Variants in ADAMTS17 observed in about 807,000 individuals in gnomAD.
ADAMTS17 encodes A disintegrin and metalloproteinase with thrombospondin motifs 17.
ADAMTS17 carries 113 observed loss-of-function variants against 141.5 expected under a neutral mutation model. The ratio of observed to expected loss-of-function variants is 0.80; its 90% CI spans 0.69 to 0.93. The LOEUF (loss-of-function observed/expected upper bound fraction) is 0.93, where lower values mean the gene tolerates loss of function less well. Among genes scored for constraint, ADAMTS17 ranks in the 40% least tolerant of loss-of-function variants. The pLI, the probability that ADAMTS17 is intolerant of heterozygous loss-of-function variation, is 0.00. For synonymous variants in ADAMTS17, 768 were observed against 630.6 expected, an observed-to-expected ratio of 1.22 and a Z score of -3.27; for missense variants, 1,659 against 1,517.9, an observed-to-expected ratio of 1.09 and a Z score of -1.54.
At chr15:100,177,762 T>C (rs1292071142) in intron 8 of ADAMTS17, among the ~76,000 whole-genome samples, 1 of 152,194 alleles carries the variant, frequency 6.6e-6, no homozygotes, top group Non-Finnish European at 1.5e-5. Flanking sequence ...AAATTGTGGA[T>C]TCATCTAGCT....
intron 10 of ADAMTS17, among the ~76,000 whole-genome samples, chr15:100,150,506 G>C (rs2039110017): frequency 6.6e-6 from 1 of 152,130 alleles, no homozygotes; most frequent in Admixed American, 6.5e-5. Flanking sequence ...GTTGCAGTCA[G>C]GGTTGTGTGT....
At chr15:100,181,170 T>C (rs2040511924) in intron 8 of ADAMTS17, among the ~76,000 whole-genome samples, 1 of 152,076 alleles carries the variant, frequency 6.6e-6, no homozygotes, top group Admixed American at 6.5e-5. Flanking sequence ...CTTCAGTTTG[T>C]GGTGAATGCT....
At chr15:100,107,846 A>G (rs996263323) in intron 14 of ADAMTS17, among the ~76,000 whole-genome samples, 2 of 152,142 alleles carry the variant, frequency 1.3e-5, no homozygotes, top group South Asian at 4.1e-4. Flanking sequence ...TGCCTGGTCT[A>G]TGGTGTATCG....
At chr15:100,315,299 C>T (rs2045529293) in intron 3 of ADAMTS17, among the ~76,000 whole-genome samples, 1 of 152,156 alleles carries the variant, frequency 6.6e-6, no homozygotes, top group East Asian at 1.9e-4. Context: ...CTCGGTTCAC[C>T]CCTCTTTTCT....
chr15:100,179,235 C>T (rs531709251), intron 8 of ADAMTS17, among the ~76,000 whole-genome samples: 11 of 152,284 alleles, frequency 7.2e-5, no homozygotes, highest in African/African-American at 2.4e-4. Context: ...TCCTATTACC[C>T]GTCTTAGCCT....
intron 7 of ADAMTS17, among the ~76,000 whole-genome samples, chr15:100,204,780 C>G (rs896953759): frequency 6.6e-6 from 1 of 152,160 alleles, no homozygotes; most frequent in Non-Finnish European, 1.5e-5. Flanking sequence ...AAATCCTAAC[C>G]TCTTACAACA....
chr15:100,306,619 C>G (rs748123366), intron 3 of ADAMTS17: 4 of 454,788 alleles, frequency 8.8e-6, no homozygotes, highest in Non-Finnish European at 1.8e-5. Context: ...AAATCCCTGA[C>G]CCACAGAATC....
intron 15 of ADAMTS17, among the ~76,000 whole-genome samples, chr15:100,076,743 C>T (rs1053071313): frequency 6.6e-6 from 1 of 152,146 alleles, no homozygotes; most frequent in South Asian, 2.1e-4. Context: ...TACAAATACA[C>T]TTGAGTATAC....
At chr15:100,139,704 G>A (rs891196090) in intron 10 of ADAMTS17, among the ~76,000 whole-genome samples, 4 of 152,124 alleles carry the variant, frequency 2.6e-5, no homozygotes, top group East Asian at 1.9e-4. Context: ...CCAATAACGC[G>A]GAACCTCAAT....
intron 18 of ADAMTS17, among the ~76,000 whole-genome samples, chr15:100,008,510 G>A (rs7163054): frequency 6.6e-6 from 1 of 152,108 alleles, no homozygotes; most frequent in African/African-American, 2.4e-5. Flanking sequence ...AAGGAGGCCA[G>A]GGCCCGGGGG....
chr15:100,294,352 G>T (rs533129733), intron 3 of ADAMTS17, among the ~76,000 whole-genome samples: 1 of 152,040 alleles, frequency 6.6e-6, no homozygotes, highest in African/African-American at 2.4e-5. Context: ...CTTGCCTTCC[G>T]TATTTCCTAC....
chr15:100,028,071 G>A (rs958844008), intron 18 of ADAMTS17, among the ~76,000 whole-genome samples: 3 of 152,194 alleles, frequency 2.0e-5, no homozygotes, highest in African/African-American at 7.2e-5. Flanking sequence ...AGGAACTGTA[G>A]TGCCTGGGTG....
chr15:100,168,947 C>T (rs2040054987), intron 8 of ADAMTS17, among the ~76,000 whole-genome samples: 1 of 152,250 alleles, frequency 6.6e-6, no homozygotes, highest in Admixed American at 6.5e-5. Context: ...TGCCTTAGCA[C>T]ATTCCCCGGA....
chr15:100,286,515 A>C (rs137985850), intron 3 of ADAMTS17, among the ~76,000 whole-genome samples: 620 of 152,180 alleles, frequency 4.1e-3, no homozygotes, highest in African/African-American at 0.014. Flanking sequence ...AAGCTGGGAA[A>C]CTCATACCGG....
At chr15:100,319,229 G>A (rs938027412) in intron 3 of ADAMTS17, among the ~76,000 whole-genome samples, 4 of 152,258 alleles carry the variant, frequency 2.6e-5, no homozygotes, top group African/African-American at 9.6e-5. Flanking sequence ...ACAGTGTCCT[G>A]TAAATGGGAC....
chr15:100,075,084 A>G (rs1461506815), intron 15 of ADAMTS17, among the ~76,000 whole-genome samples: 1 of 152,090 alleles, frequency 6.6e-6, no homozygotes, highest in African/African-American at 2.4e-5. Context: ...TTATACTTCT[A>G]TTGTGTAACT....
intron 7 of ADAMTS17, among the ~76,000 whole-genome samples, chr15:100,242,097 C>T (rs1316440386): frequency 6.6e-6 from 1 of 152,164 alleles, no homozygotes; most frequent in African/African-American, 2.4e-5. Flanking sequence ...GCACAGGAGC[C>T]TGGGGGACTG....
chr15:100,178,502 C>T (rs2040414830), intron 8 of ADAMTS17, among the ~76,000 whole-genome samples: 3 of 152,152 alleles, frequency 2.0e-5, no homozygotes, highest in Non-Finnish European at 4.4e-5. Flanking sequence ...ACTTATGCTT[C>T]AAAGCTAGAA....
chr15:100,232,148 T>C (rs1025067635), intron 7 of ADAMTS17, among the ~76,000 whole-genome samples: 1 of 152,048 alleles, frequency 6.6e-6, no homozygotes, highest in African/African-American at 2.4e-5. Flanking sequence ...TTGGGTTGGG[T>C]TGGGGATACC....
Sources: allele counts gnomAD v4.1 joint callset (sites outside exome capture counted in the v4.1 genomes callset), GRCh38; gene constraint gnomAD v4.1.1; transcripts MANE v1.5; gene names NCBI Gene and HGNC (gene_info 2026-07-23, HGNC 2026-07-21).